The following CCDC171 variants were observed in gnomAD, a reference collection of about 807,000 sequenced individuals.
The protein encoded by CCDC171 is coiled-coil domain containing 171, also known as coiled-coil domain-containing protein 171.
In CCDC171, 177 loss-of-function variants were observed where a neutral mutation model predicts 168.2. The observed-to-expected ratio is 1.05, with a 90% CI of 0.93 to 1.19. The LOEUF (loss-of-function observed/expected upper bound fraction) is 1.19. CCDC171 is among the 50% of genes most tolerant of loss of function. The pLI is 0.00. For missense variants in CCDC171, 1,991 were observed against 1,539.0 expected, an observed-to-expected ratio of 1.29 and a Z score of -4.91; for synonymous variants, 687 against 540.8, an observed-to-expected ratio of 1.27 and a Z score of -3.75.
intron 20 of CCDC171, among the ~76,000 whole-genome samples, chr9:15,779,446 GC>G: frequency 6.6e-6 from 1 of 152,084 alleles, no homozygotes; most frequent in South Asian, 2.1e-4. Flanking sequence ...TGCAACCTCT[GC>G]CCCCCGGGTT....
chr9:15,771,340 T>C (rs1177207413), intron 18 of CCDC171, among the ~76,000 whole-genome samples: 5 of 152,194 alleles, frequency 3.3e-5, no homozygotes, highest in Non-Finnish European at 7.4e-5. Flanking sequence ...TCATAACACC[T>C]TTGGCATGCA....
intron 6 of CCDC171, among the ~76,000 whole-genome samples, chr9:15,597,195 A>G (rs9406517): frequency 0.52 from 78,968 of 151,648 alleles, 20,885 homozygotes; most frequent in East Asian, 0.75. Flanking sequence ...GAATGGGAGT[A>G]GTGAGAGGGG....
chr9:15,789,124 C>T lies in CCDC171; in HGVS notation c.3267+4430C>T, dbSNP rs1026809005. 6.6e-5 allele frequency among the ~76,000 whole-genome samples: 10 copies of T among 151,970 alleles called. 1 individual carries two copies. The highest frequency in any genetic ancestry group is 1.0e-4 in the Non-Finnish European group (7 of 68,004). On this transcript the variant is annotated intron_variant, in intron 21 of 25. Coordinates refer to ENST00000380701, the MANE Select transcript of CCDC171 (RefSeq NM_173550.4). ...TGGAGGCAGATACAGGTTGAGCATCCCTAATTTGAAAATCCAAAATCCAAA... is the reference window on the plus strand; with the variant it reads ...TGGAGGCAGATACAGGTTGAGCATCTCTAATTTGAAAATCCAAAATCCAAA...
At chr9:15,745,776 A>T in intron 18 of CCDC171, 145 bp downstream of exon 18, 1 of 451,530 alleles carries the variant, frequency 2.2e-6, no homozygotes, top group Non-Finnish European at 3.9e-6. Flanking sequence ...AGAGATTGTT[A>T]ACTCTGTACT....
chr9:15,692,667 A>C lies in CCDC171; in HGVS notation c.1216-2568A>C, dbSNP rs1451167304. On this transcript the variant is annotated intron_variant, in intron 10 of 25. Transcript: ENST00000380701. The stretch of plus-strand genomic sequence containing the variant: ...CTCAGCCTCCCAAGTAGCTGGGACT[A>C]CAGGCGCCCGCCACCATGCCCAGCT... Among the ~76,000 whole-genome samples the C allele has an allele frequency of 1.8e-4, 28 of 151,460 alleles. No individual in the cohort carries two copies. The East Asian group carries it at 5.0e-3, about 27-fold the overall frequency.
chr9:15,940,084 T>G (rs1827547485), intron 25 of CCDC171, among the ~76,000 whole-genome samples: 1 of 151,962 alleles, frequency 6.6e-6, no homozygotes, highest in South Asian at 2.1e-4. Flanking sequence ...AGATCTTGAT[T>G]ATTGATGCCA....
chr9:15,728,618 A>G (rs72706690), intron 15 of CCDC171, among the ~76,000 whole-genome samples: 14,359 of 152,182 alleles, frequency 0.094, 910 homozygotes, highest in Middle Eastern at 0.14. Flanking sequence ...TAACATTACT[A>G]TCTCACAAGT....
intron 23 of CCDC171, among the ~76,000 whole-genome samples, chr9:15,869,281 G>A (rs2061926116): frequency 6.6e-6 from 1 of 151,934 alleles, no homozygotes; most frequent in African/African-American, 2.4e-5. Context: ...TAAAGAAAAG[G>A]TTAAAGAAGG....
intron 24 of CCDC171, among the ~76,000 whole-genome samples, chr9:15,906,611 C>T (rs200935083): frequency 6.6e-6 from 1 of 151,990 alleles, no homozygotes; most frequent in East Asian, 1.9e-4. Context: ...GAAAACTGGC[C>T]CAAGACAGGG....
chr9:15,736,832 C>T lies in CCDC171; in HGVS notation c.2049+7034C>T, dbSNP rs986459017. Among the ~76,000 whole-genome samples the T allele has an allele frequency of 1.2e-4, 18 of 152,130 alleles. 1 individual carries two copies. Among genetic ancestry groups the T allele is most frequent in the Non-Finnish European group, 2.2e-4 (15 of 68,014 alleles). Reference sequence around the variant, plus strand: ...CTGAGACTATAGGCATGCACCGCCACACCTGGCTAAGTTTTTGTATTTTTT... The same window carrying T: ...CTGAGACTATAGGCATGCACCGCCATACCTGGCTAAGTTTTTGTATTTTTT... On this transcript the variant is annotated intron_variant, in intron 16 of 25. Coordinates refer to ENST00000380701, the MANE Select transcript of CCDC171 (RefSeq NM_173550.4).
chr9:15,598,846 A>G (rs2042596742), intron 6 of CCDC171, among the ~76,000 whole-genome samples: 1 of 152,136 alleles, frequency 6.6e-6, no homozygotes, highest in African/African-American at 2.4e-5. Flanking sequence ...TATTGGGTGC[A>G]TATATATTTA....
chr9:15,845,383 G>T (rs2060852335), intron 21 of CCDC171, among the ~76,000 whole-genome samples: 1 of 151,942 alleles, frequency 6.6e-6, no homozygotes, highest in Non-Finnish European at 1.5e-5. Context: ...ATTTATATTT[G>T]TTTGACGGTA....
At chr9:15,661,337 G>T (rs950252661) in intron 8 of CCDC171, among the ~76,000 whole-genome samples, 10 of 151,430 alleles carry the variant, frequency 6.6e-5, no homozygotes, top group Admixed American at 3.9e-4. Flanking sequence ...GTAATAGGCT[G>T]AAGTTTTAAA....
At chr9:15,966,334 ATG>A (rs1175239730) in intron 25 of CCDC171, among the ~76,000 whole-genome samples, 1 of 152,174 alleles carries the variant, frequency 6.6e-6, no homozygotes, top group Non-Finnish European at 1.5e-5. Context: ...GAACTATGGA[ATG>A]TCCTATTTAG....
chr9:15,828,876 G>C (rs1225028335), intron 21 of CCDC171, among the ~76,000 whole-genome samples: 1 of 152,106 alleles, frequency 6.6e-6, no homozygotes. Context: ...AAAATAATCA[G>C]GGTTTTTGTA....
chr9:15,607,507 G>C (rs2043314825), intron 6 of CCDC171, among the ~76,000 whole-genome samples: 1 of 151,816 alleles, frequency 6.6e-6, no homozygotes, highest in Non-Finnish European at 1.5e-5. Context: ...TGTCACCCAG[G>C]CTGGAGTGCA....
At chr9:15,854,095 A>G (rs2061253637) in intron 23 of CCDC171, among the ~76,000 whole-genome samples, 1 of 148,328 alleles carries the variant, frequency 6.7e-6, no homozygotes, top group Non-Finnish European at 1.5e-5. Context: ...GGGCTTTAGG[A>G]TCAGAGTAAT....
At position 15,930,881 on chromosome 9, in the gene CCDC171, A is replaced by T. The variant is rs150989581; in HGVS notation, c.3753+10459A>T. On this transcript the variant is annotated intron_variant, in intron 25 of 25. Coordinates refer to ENST00000380701, the MANE Select transcript of CCDC171 (RefSeq NM_173550.4). ...ATCTGGGGTATAATTTGATGTTTTGATGCATATTTATGTTGTATAATGATC... is the reference window on the plus strand; with the variant it reads ...ATCTGGGGTATAATTTGATGTTTTGTTGCATATTTATGTTGTATAATGATC... 1.8e-3 allele frequency among the ~76,000 whole-genome samples: 274 copies of T among 151,802 alleles called. 2 individuals carry two copies. Among genetic ancestry groups the T allele is most frequent in the African/African-American group, 5.8e-3 (240 of 41,498 alleles).
At chr9:16,020,616 T>C (rs1321640044) in exon 4 of CCDC171, 1 of 154,374 alleles carries the variant, frequency 6.5e-6, no homozygotes, top group East Asian at 1.9e-4. Flanking sequence ...TTTGGAGCTA[T>C]GATTGAGTAA....
Sources: gnomAD v4.1 joint callset for allele counts (sites outside exome capture counted in the v4.1 genomes callset) on GRCh38, gnomAD v4.1.1 for gene constraint, MANE v1.5 for transcripts, NCBI Gene and HGNC (gene_info 2026-07-23, HGNC 2026-07-21) for gene names.